The following HS1BP3 variants were observed in gnomAD, a reference collection of about 807,000 sequenced individuals.
HS1BP3 encodes the protein HCLS1-binding protein 3.
Under a neutral mutation model 33.5 loss-of-function variants are expected in HS1BP3, and 32 were observed. The observed-to-expected ratio is 0.95, with a 90% CI of 0.72 to 1.28. The LOEUF (loss-of-function observed/expected upper bound fraction) is 1.28. Among genes scored for constraint, HS1BP3 ranks in the 50% most tolerant of loss-of-function variants. The probability of loss-of-function intolerance (pLI) is 0.00; values close to 1 mark genes in which losing one functional copy is unlikely to be tolerated. For synonymous variants in HS1BP3, 187 were observed against 209.2 expected (o/e 0.89, Z 0.92); for missense variants, 486 against 502.3 (o/e 0.97, Z 0.31).
At chr2:20,647,195 A>G (rs1009723782) in intron 1 of HS1BP3, among the ~76,000 whole-genome samples, 32 of 152,080 alleles carry the variant, frequency 2.1e-4, no homozygotes, top group Non-Finnish European at 2.9e-4. Flanking sequence ...CCCACATCCA[A>G]TGGTTCTCTG....
rs988640449 is a variant in HS1BP3 at position 20,603,869 on chromosome 2, C to T, written c.179-5604G>A. Among the ~76,000 whole-genome samples the T allele has an allele frequency of 4.6e-5, 7 of 152,320 alleles. No individual in the cohort carries two copies. In the South Asian group the frequency reaches 8.3e-4, roughly 18 times the overall value. On this transcript the variant is annotated intron_variant, in intron 2 of 3. Transcript: ENST00000415264. The stretch of plus-strand genomic sequence containing the variant: ...AGATGGGTTCTAACTCCGGCTCAGC[C>T]GCTTCCCAGCTATGTAAGCTCCTCA...
At chr2:20,598,672 C>A (rs1246663467) in intron 2 of HS1BP3, among the ~76,000 whole-genome samples, 1 of 149,272 alleles carries the variant, frequency 6.7e-6, no homozygotes, top group Admixed American at 6.7e-5. Context: ...CATTCTCCTG[C>A]CTCAGCCTCC....
At chr2:20,633,905 G>A (rs920869196) in intron 4 of HS1BP3, among the ~76,000 whole-genome samples, 4 of 152,260 alleles carry the variant, frequency 2.6e-5, no homozygotes, top group South Asian at 2.1e-4. Context: ...GTGGAGTGCC[G>A]CCTGCGTGAC....
At chr2:20,616,558 C>T (rs1572335425), downstream of HS1BP3, among the ~76,000 whole-genome samples, 1 of 152,288 alleles carries the variant, frequency 6.6e-6, no homozygotes, top group East Asian at 1.9e-4. Flanking sequence ...AGAAAGGGGT[C>T]CTCTTTCTTT....
chr2:20,613,052 G>A (rs13395836), downstream of HS1BP3, among the ~76,000 whole-genome samples: 178 of 152,236 alleles, frequency 1.2e-3, 2 homozygotes, highest in African/African-American at 4.1e-3. Flanking sequence ...CTGGGGATGG[G>A]GGGGACTGAG....
the HS1BP3 span, among the ~76,000 whole-genome samples, chr2:20,554,143 C>T: frequency 6.6e-6 from 1 of 152,162 alleles, no homozygotes; most frequent in Non-Finnish European, 1.5e-5. Flanking sequence ...GGAACTATGC[C>T]TGCCTTCTCT....
At chr2:20,604,621 C>T (rs1694135649) in intron 2 of HS1BP3, among the ~76,000 whole-genome samples, 1 of 152,164 alleles carries the variant, frequency 6.6e-6, no homozygotes, top group African/African-American at 2.4e-5. Context: ...CATTGATTAC[C>T]CTTTTTATAG....
intron 2 of HS1BP3, among the ~76,000 whole-genome samples, chr2:20,599,076 G>A (rs992308725): frequency 1.3e-5 from 2 of 152,218 alleles, no homozygotes; most frequent in African/African-American, 4.8e-5. Flanking sequence ...CCTCAGCACC[G>A]CCCCTGGGGG....
At chr2:20,612,324 A>G (rs575493234) in intron 2 of HS1BP3, among the ~76,000 whole-genome samples, 1 of 152,212 alleles carries the variant, frequency 6.6e-6, no homozygotes, top group Admixed American at 6.5e-5. Context: ...TTTTATTGAG[A>G]TATAATTTAT....
chr2:20,622,203 C>T (rs1196123556), intron 6 of HS1BP3: 1 of 1,295,342 alleles, frequency 7.7e-7, no homozygotes, highest in East Asian at 5.6e-5. Flanking sequence ...TCAGAACATT[C>T]TTTATTATGA....
downstream of HS1BP3, among the ~76,000 whole-genome samples, chr2:20,559,464 G>C (rs905333932): frequency 1.1e-4 from 17 of 152,262 alleles, no homozygotes; most frequent in Admixed American, 2.6e-4. Context: ...GTGGGTGGAT[G>C]GATGAATGGA....
chr2:20,594,354 A>G (rs1693897078), intron 3 of HS1BP3, among the ~76,000 whole-genome samples: 1 of 152,166 alleles, frequency 6.6e-6, no homozygotes, highest in African/African-American at 2.4e-5. Flanking sequence ...GAGGAGGTGA[A>G]TGGGTCTGAA....
downstream of HS1BP3, among the ~76,000 whole-genome samples, chr2:20,559,302 T>A (rs1010227208): frequency 6.6e-6 from 1 of 152,208 alleles, no homozygotes; most frequent in Non-Finnish European, 1.5e-5. Flanking sequence ...CCAGCTCCCA[T>A]GAGGCCCGAT....
intron 4 of HS1BP3, chr2:20,635,570 A>G (rs1014816000): frequency 2.0e-5 from 3 of 152,246 alleles, no homozygotes; most frequent in Middle Eastern, 3.2e-3. Context: ...GATTTCCAGC[A>G]TAAGGCAGAA....
At chr2:20,612,611 T>C (rs1187747510) in intron 2 of HS1BP3, among the ~76,000 whole-genome samples, 4 of 152,226 alleles carry the variant, frequency 2.6e-5, no homozygotes, top group African/African-American at 9.7e-5. Flanking sequence ...ATGATGTATT[T>C]GAGGTAGATC....
At chr2:20,647,820 C>T (rs1038474278) in intron 1 of HS1BP3, among the ~76,000 whole-genome samples, 1 of 152,154 alleles carries the variant, frequency 6.6e-6, no homozygotes, top group Non-Finnish European at 1.5e-5. Context: ...CTGTAATGTG[C>T]GTGCAACCCC....
chr2:20,626,980 C>T (rs1326973532), intron 4 of HS1BP3, among the ~76,000 whole-genome samples: 2 of 152,172 alleles, frequency 1.3e-5, no homozygotes, highest in Non-Finnish European at 2.9e-5. Context: ...GACAGCAAAG[C>T]TGACCCCAGC....
intron 5 of HS1BP3, among the ~76,000 whole-genome samples, chr2:20,574,727 C>A (rs995005093): frequency 3.9e-5 from 6 of 152,218 alleles, no homozygotes; most frequent in Non-Finnish European, 8.8e-5. Flanking sequence ...CAGTGCTGGG[C>A]AAGCCTGGCC....
At chr2:20,623,191 C>T (rs1318124736) in intron 6 of HS1BP3, 1 of 152,214 alleles carries the variant, frequency 6.6e-6, no homozygotes, top group Admixed American at 6.5e-5. Flanking sequence ...CTCAGACAGT[C>T]CCTGATGAAG....
Sources: gnomAD v4.1 joint callset for allele counts (sites outside exome capture counted in the v4.1 genomes callset) on GRCh38, gnomAD v4.1.1 for gene constraint, MANE v1.5 for transcripts, NCBI Gene and HGNC (gene_info 2026-07-23, HGNC 2026-07-21) for gene names.